The following ADCY8 variants were observed in gnomAD, a reference collection of about 807,000 sequenced individuals.
ADCY8 encodes adenylate cyclase 8, also known as adenylate cyclase type 8.
ADCY8 carries 51 observed loss-of-function variants against 119.7 expected under a neutral mutation model. The observed-to-expected ratio is 0.43, with a 90% CI of 0.34 to 0.54. The LOEUF is 0.54. Ranked by LOEUF, ADCY8 falls within the 20% of genes least tolerant of loss-of-function variation. The probability of loss-of-function intolerance (pLI) is 0.03; values close to 1 mark genes in which losing one functional copy is unlikely to be tolerated. For synonymous variants in ADCY8, 665 were observed against 651.0 expected (o/e 1.02, Z -0.33); for missense variants, 1,383 against 1,598.8 (o/e 0.87, Z 2.30).
chr8:130,977,950 C>G (rs1023364897), intron 2 of ADCY8, among the ~76,000 whole-genome samples: 1 of 152,186 alleles, frequency 6.6e-6, no homozygotes, highest in African/African-American at 2.4e-5. Context: ...ATATCTTCCA[C>G]TACTCATTCA....
At chr8:131,039,284 G>C (rs937217234) in intron 1 of ADCY8, 90 bp downstream of exon 1, 7 of 1,541,324 alleles carry the variant, frequency 4.5e-6, no homozygotes, top group Non-Finnish European at 6.2e-6. Flanking sequence ...GACTTAAAGA[G>C]AGTGAGGCAA....
At chr8:131,028,575 A>C (rs1823894686) in intron 1 of ADCY8, among the ~76,000 whole-genome samples, 1 of 152,076 alleles carries the variant, frequency 6.6e-6, no homozygotes, top group South Asian at 2.1e-4. Flanking sequence ...AAAAAGACTC[A>C]TGACCGTTTT....
intron 2 of ADCY8, among the ~76,000 whole-genome samples, chr8:130,952,729 G>A (rs1294455375): frequency 6.6e-6 from 1 of 152,156 alleles, no homozygotes; most frequent in Non-Finnish European, 1.5e-5. Context: ...GGAGGCAGAG[G>A]GACCAGGTGG....
chr8:130,875,505 T>C (rs773063679), intron 8 of ADCY8, among the ~76,000 whole-genome samples: 5 of 152,168 alleles, frequency 3.3e-5, no homozygotes, highest in Non-Finnish European at 2.9e-5. Context: ...CATGGAGTGG[T>C]TCAACAAATT....
At chr8:130,966,846 A>ATAGC in intron 2 of ADCY8, among the ~76,000 whole-genome samples, 1 of 152,330 alleles carries the variant, frequency 6.6e-6, no homozygotes, top group African/African-American at 2.4e-5. Flanking sequence ...AAAGAATTAG[A>ATAGC]TAGCATCTAG....
intron 2 of ADCY8, among the ~76,000 whole-genome samples, chr8:130,982,646 T>C (rs1822273855): frequency 6.6e-6 from 1 of 152,198 alleles, no homozygotes; most frequent in African/African-American, 2.4e-5. Context: ...TCTAGGTCAA[T>C]ACTGTCCAAT....
At chr8:130,978,922 T>C (rs1047101062) in intron 2 of ADCY8, among the ~76,000 whole-genome samples, 4 of 152,202 alleles carry the variant, frequency 2.6e-5, no homozygotes, top group Non-Finnish European at 4.4e-5. Context: ...ATGCCTTTGC[T>C]GAGTCCTGAA....
chr8:130,993,854 A>T, intron 1 of ADCY8, among the ~76,000 whole-genome samples: 1 of 152,208 alleles, frequency 6.6e-6, no homozygotes, highest in Admixed American at 6.5e-5. Context: ...CAATAATTAG[A>T]TAGTAGAAAT....
At chr8:130,985,331 G>A (rs118035792) in intron 2 of ADCY8, among the ~76,000 whole-genome samples, 2,163 of 152,296 alleles carry the variant, frequency 0.014, 24 homozygotes, top group Non-Finnish European at 0.023. Context: ...GGGATGAAAG[G>A]AAAGTTACAC....
intron 3 of ADCY8, among the ~76,000 whole-genome samples, chr8:130,946,486 G>T (rs1313154150): frequency 6.6e-6 from 1 of 152,144 alleles, no homozygotes; most frequent in Non-Finnish European, 1.5e-5. Flanking sequence ...CCACTCAGGT[G>T]TTAAAATCAT....
chr8:130,997,406 A>G (rs2130755279), intron 1 of ADCY8, among the ~76,000 whole-genome samples: 1 of 152,276 alleles, frequency 6.6e-6, no homozygotes, highest in African/African-American at 2.4e-5. Context: ...TAAGGTGTCA[A>G]GATCTACACT....
rs1194498349 is a variant in ADCY8 at position 130,785,875 on chromosome 8, C to A, written c.3061-400G>T. 3.3e-5 allele frequency among the ~76,000 whole-genome samples: 5 copies of A among 152,360 alleles called. No individual in the cohort carries two copies. The East Asian group carries it at 7.7e-4, about 23-fold the overall frequency. Reference sequence around the variant, plus strand: ...CCTCTCTCACTCTGCTCCAGCTGCACTGATCCCCTTTGCCCCTTGCCACAC... The same window carrying A: ...CCTCTCTCACTCTGCTCCAGCTGCAATGATCCCCTTTGCCCCTTGCCACAC... On this transcript the variant is annotated intron_variant, in intron 15 of 17. Transcript: ENST00000286355.
At chr8:130,852,885 T>C (rs1817581607) in intron 9 of ADCY8, among the ~76,000 whole-genome samples, 1 of 152,220 alleles carries the variant, frequency 6.6e-6, no homozygotes, top group Non-Finnish European at 1.5e-5. Context: ...TTTGGATTCT[T>C]CCATGACACC....
intron 1 of ADCY8, among the ~76,000 whole-genome samples, chr8:131,024,304 T>C (rs1823761085): frequency 6.6e-6 from 1 of 152,204 alleles, no homozygotes; most frequent in Non-Finnish European, 1.5e-5. Flanking sequence ...AGCCCAGTGT[T>C]TGTTTACTGC....
chr8:131,010,112 G>C (rs1358377282), intron 1 of ADCY8, among the ~76,000 whole-genome samples: 1 of 152,200 alleles, frequency 6.6e-6, no homozygotes, highest in East Asian at 1.9e-4. Context: ...ATTTACAATG[G>C]AGCTGAGAGT....
intron 11 of ADCY8, among the ~76,000 whole-genome samples, chr8:130,842,526 CT>C (rs1817177024): frequency 1.3e-5 from 2 of 152,022 alleles, no homozygotes; most frequent in Admixed American, 1.3e-4. Flanking sequence ...ATCAGTTTCA[CT>C]TTTTTTCTTC....
chr8:131,038,941 A>C (rs1586676889), intron 1 of ADCY8, among the ~76,000 whole-genome samples: 1 of 152,048 alleles, frequency 6.6e-6, no homozygotes, highest in Non-Finnish European at 1.5e-5. Context: ...ATACGGAAAA[A>C]CCCAACTCTG....
At chr8:130,919,698 C>A (rs1352478951) in intron 5 of ADCY8, among the ~76,000 whole-genome samples, 1 of 152,132 alleles carries the variant, frequency 6.6e-6, no homozygotes, top group Non-Finnish European at 1.5e-5. Flanking sequence ...AGGCATATCA[C>A]TTTTTAAGGC....
rs144142813 is a variant in ADCY8, at chr8:131,000,617, T to C, written c.961-10075A>G. 7.2e-5 allele frequency among the ~76,000 whole-genome samples: 11 copies of C among 152,220 alleles called. No homozygotes were observed. The East Asian group carries it at 1.9e-3, about 27-fold the overall frequency. ...AAGTTTAGTCATTTGCTTGAGATAA[T>C]GAATGACGCAAGTGGTAAAGCTGAG... On this transcript the variant is annotated intron_variant, in intron 1 of 17. Coordinates refer to ENST00000286355, the MANE Select transcript of ADCY8 (RefSeq NM_001115.3).
Sources: gnomAD v4.1 joint callset for allele counts (sites outside exome capture counted in the v4.1 genomes callset) on GRCh38, gnomAD v4.1.1 for gene constraint, MANE v1.5 for transcripts, NCBI Gene and HGNC (gene_info 2026-07-23, HGNC 2026-07-21) for gene names.